Variants in ZNF385D observed in about 807,000 individuals in gnomAD.
The protein encoded by ZNF385D is zinc finger protein 385D.
ZNF385D carries 15 observed loss-of-function variants against 35.8 expected under a neutral mutation model. The ratio of observed to expected loss-of-function variants is 0.42; its 90% confidence interval spans 0.28 to 0.64. The LOEUF (loss-of-function observed/expected upper bound fraction) is 0.64, where lower values mean the gene tolerates loss of function less well. ZNF385D is among the 30% of genes least tolerant of loss of function. The probability of loss-of-function intolerance (pLI) is 0.23; values close to 1 mark genes in which losing one functional copy is unlikely to be tolerated. For missense variants in ZNF385D, 474 were observed against 494.6 expected (o/e 0.96, Z 0.39); for synonymous variants, 212 against 186.8 (o/e 1.13, Z -1.10).
Position 22,013,539 on chromosome 3 carries a change from T to C in ZNF385D, c.325+155278A>G, listed in dbSNP as rs1576152878. ...GTGTCTCCAAATAAAGATTTGAAAATAGTAAAATTTCTCAATGGAACTTCA... is the reference window on the plus strand; with the variant it reads ...GTGTCTCCAAATAAAGATTTGAAAACAGTAAAATTTCTCAATGGAACTTCA... On this transcript the variant is annotated intron_variant, in intron 3 of 5. Transcript: ENST00000494108. Among the ~76,000 whole-genome samples the C allele has an allele frequency of 2.0e-5, 3 of 152,222 alleles. No homozygotes were observed. In the Middle Eastern group the frequency reaches 0.01, roughly 518 times the overall value.
chr3:21,573,402 A>G (rs887932426), intron 2 of ZNF385D, among the ~76,000 whole-genome samples: 28 of 152,242 alleles, frequency 1.8e-4, no homozygotes, highest in African/African-American at 6.8e-4. Flanking sequence ...AGAAATCTTG[A>G]CATTAGGTAC....
At chr3:21,562,000 T>C (rs754639110) in intron 3 of ZNF385D, 1 of 152,046 alleles carries the variant, frequency 6.6e-6, no homozygotes. Flanking sequence ...ATCTGGTAAA[T>C]GGTCAAGCCT....
rs574861752 is a variant in ZNF385D at position 21,838,685 on chromosome 3, T to C, written c.326-173657A>G. 5.7e-4 allele frequency among the ~76,000 whole-genome samples: 87 copies of C among 152,192 alleles called. No homozygotes were observed. In the Middle Eastern group the frequency reaches 0.01, roughly 18 times the overall value. Reference sequence around the variant, plus strand: ...CCATCTATGATGCTCAAATGAGCCCTAGCTAGAAACCCTGTTAATAATATG... The same window carrying C: ...CCATCTATGATGCTCAAATGAGCCCCAGCTAGAAACCCTGTTAATAATATG... On this transcript the variant is annotated intron_variant, in intron 3 of 5. Transcript: ENST00000494108.
At chr3:21,731,928 A>G (rs2069017099) in intron 1 of ZNF385D, among the ~76,000 whole-genome samples, 1 of 151,302 alleles carries the variant, frequency 6.6e-6, no homozygotes, top group Non-Finnish European at 1.5e-5. Context: ...ATGTAGATAT[A>G]CCACAGTAAA....
At chr3:21,479,934 T>C (rs1181500660) in intron 4 of ZNF385D, among the ~76,000 whole-genome samples, 1 of 152,178 alleles carries the variant, frequency 6.6e-6, no homozygotes, top group Non-Finnish European at 1.5e-5. Flanking sequence ...TTTGGTCTGC[T>C]TTTTAAAAAT....
intron 2 of ZNF385D, among the ~76,000 whole-genome samples, chr3:22,321,205 T>C (rs1287504207): frequency 1.3e-5 from 2 of 150,906 alleles, no homozygotes; most frequent in South Asian, 4.2e-4. Context: ...GCATCTCTTT[T>C]ATCTCTTTTA....
chr3:22,175,189 A>G (rs1392139395), intron 2 of ZNF385D, among the ~76,000 whole-genome samples: 1 of 152,072 alleles, frequency 6.6e-6, no homozygotes. Flanking sequence ...GAAGGTAAAA[A>G]TATAACAAAG....
intron 3 of ZNF385D, among the ~76,000 whole-genome samples, chr3:22,061,658 G>T (rs1042364099): frequency 2.0e-5 from 3 of 152,028 alleles, no homozygotes; most frequent in Admixed American, 2.0e-4. Context: ...AATGAGTGTC[G>T]ATTCTAGAAT....
chr3:21,450,119 T>C (rs2125276292), intron 4 of ZNF385D, among the ~76,000 whole-genome samples: 1 of 152,274 alleles, frequency 6.6e-6, no homozygotes, highest in South Asian at 2.1e-4. Flanking sequence ...CTTACCTCCT[T>C]GGGCAGGGCT....
At chr3:21,449,597 A>T (rs959829273) in intron 4 of ZNF385D, among the ~76,000 whole-genome samples, 7 of 152,212 alleles carry the variant, frequency 4.6e-5, no homozygotes, top group Non-Finnish European at 1.0e-4. Flanking sequence ...AAAAGCTAGC[A>T]CTGTGAGTAA....
At chr3:21,691,285 A>G (rs940086361) in intron 1 of ZNF385D, among the ~76,000 whole-genome samples, 1 of 152,174 alleles carries the variant, frequency 6.6e-6, no homozygotes, top group Non-Finnish European at 1.5e-5. Flanking sequence ...CAGATTTATC[A>G]TATCCAACCT....
intron 1 of ZNF385D, among the ~76,000 whole-genome samples, chr3:21,675,498 G>A (rs2066698173): frequency 6.6e-6 from 1 of 152,158 alleles, no homozygotes; most frequent in East Asian, 1.9e-4. Context: ...GTAAGTGGTA[G>A]AGCCAGGATT....
At chr3:21,507,167 A>G (rs1706833274) in intron 4 of ZNF385D, among the ~76,000 whole-genome samples, 1 of 152,140 alleles carries the variant, frequency 6.6e-6, no homozygotes, top group African/African-American at 2.4e-5. Context: ...ATGAAAATTT[A>G]GTTTCTGTGA....
chr3:21,838,007 G>A (rs561679514), intron 3 of ZNF385D, among the ~76,000 whole-genome samples: 4 of 152,222 alleles, frequency 2.6e-5, no homozygotes, highest in African/African-American at 7.2e-5. Flanking sequence ...CTCAGGGTTT[G>A]TGGAGCCTAT....
intron 2 of ZNF385D, among the ~76,000 whole-genome samples, chr3:21,631,655 T>A (rs1379455228): frequency 6.6e-6 from 1 of 152,092 alleles, no homozygotes; most frequent in Non-Finnish European, 1.5e-5. Flanking sequence ...TTTTCAAACC[T>A]CAGCTTCTTT....
At chr3:22,175,789 G>A (rs1304779136) in intron 2 of ZNF385D, among the ~76,000 whole-genome samples, 1 of 150,878 alleles carries the variant, frequency 6.6e-6, no homozygotes, top group South Asian at 2.1e-4. Flanking sequence ...TAGATTTTAT[G>A]CATCATATTT....
intron 3 of ZNF385D, among the ~76,000 whole-genome samples, chr3:21,774,130 G>A (rs1037012928): frequency 3.9e-5 from 6 of 151,944 alleles, no homozygotes; most frequent in Non-Finnish European, 1.5e-5. Context: ...GGACATGGAT[G>A]GAGCTGGATG....
chr3:21,462,211 T>C (rs968869350), intron 4 of ZNF385D, among the ~76,000 whole-genome samples: 4 of 151,962 alleles, frequency 2.6e-5, no homozygotes, highest in Admixed American at 2.6e-4. Flanking sequence ...CTCTTTTCTA[T>C]TTTTTTTCCC....
chr3:22,333,551 T>G (rs1210907977), intron 2 of ZNF385D, among the ~76,000 whole-genome samples: 3 of 152,320 alleles, frequency 2.0e-5, no homozygotes, highest in East Asian at 1.9e-4. Context: ...TCATCTTTAC[T>G]TTGACATTTA....
Sources: gnomAD v4.1 joint callset for allele counts (sites outside exome capture counted in the v4.1 genomes callset) on GRCh38, gnomAD v4.1.1 for gene constraint, MANE v1.5 for transcripts, NCBI Gene and HGNC (gene_info 2026-07-23, HGNC 2026-07-21) for gene names.